Variants in PREX2 observed in about 807,000 individuals in gnomAD.
The protein encoded by PREX2 is phosphatidylinositol 3,4,5-trisphosphate-dependent Rac exchanger 2 protein.
A neutral mutation model predicts 203.2 loss-of-function variants in PREX2; 107 were observed. The ratio of observed to expected loss-of-function variants is 0.53; its 90% CI spans 0.45 to 0.62. PREX2 has a LOEUF of 0.62. Ranked by LOEUF, PREX2 falls within the 20% of genes least tolerant of loss-of-function variation. PREX2 has a pLI of 0.00. For synonymous variants in PREX2, 672 were observed against 663.6 expected, an observed-to-expected ratio of 1.01 and a Z score of -0.19; for missense variants, 1,777 against 1,955.9, an observed-to-expected ratio of 0.91 and a Z score of 1.72.
At chr8:68,031,141 G>C (rs1331909628) in intron 6 of PREX2, among the ~76,000 whole-genome samples, 1 of 152,102 alleles carries the variant, frequency 6.6e-6, no homozygotes, top group Non-Finnish European at 1.5e-5. Flanking sequence ...TATTCAAGAT[G>C]AAAATGTTAT....
intron 1 of PREX2, among the ~76,000 whole-genome samples, chr8:67,992,791 A>G (rs1806647357): frequency 6.6e-6 from 1 of 152,214 alleles, no homozygotes; most frequent in South Asian, 2.1e-4. Context: ...TCATCTGAAC[A>G]TAATGGGAAC....
intron 31 of PREX2, among the ~76,000 whole-genome samples, chr8:68,130,672 TG>T (rs1810989937): frequency 6.6e-6 from 1 of 152,166 alleles, no homozygotes; most frequent in Non-Finnish European, 1.5e-5. Flanking sequence ...TGGCTTAGAA[TG>T]GTTGGTTGAA....
chr8:68,122,456 T>A (rs572981944), intron 30 of PREX2, among the ~76,000 whole-genome samples: 1 of 152,200 alleles, frequency 6.6e-6, no homozygotes, highest in Non-Finnish European at 1.5e-5. Context: ...AAATGTTAAA[T>A]GCATTTTTGA....
chr8:68,092,228 G>A lies in PREX2; in HGVS notation c.2251-1377G>A, dbSNP rs140927533. Among the ~76,000 whole-genome samples the A allele has an allele frequency of 6.4e-4, 98 of 152,194 alleles. 2 individuals are homozygous for A. In the East Asian group the frequency reaches 0.013, roughly 20 times the overall value. On this transcript the variant is annotated intron_variant, in intron 20 of 39. Transcript: ENST00000288368. ...AGATTGTACTTGCTAGTATCCCTTT[G>A]GACAAACCAAATCACGTGGCCAAGC...
chr8:68,013,552 A>G (rs958956679), intron 1 of PREX2, among the ~76,000 whole-genome samples: 1 of 152,210 alleles, frequency 6.6e-6, no homozygotes, highest in Non-Finnish European at 1.5e-5. Flanking sequence ...TGTTCATGCA[A>G]ACCCAAATGA....
chr8:68,114,975 A>T (rs1585805460), intron 25 of PREX2, among the ~76,000 whole-genome samples: 1 of 144,502 alleles, frequency 6.9e-6, no homozygotes, highest in Non-Finnish European at 1.5e-5. Context: ...CACTTTAAAG[A>T]TTACTGAGTA....
intron 33 of PREX2, among the ~76,000 whole-genome samples, chr8:68,141,727 C>T (rs995236228): frequency 6.6e-6 from 1 of 152,082 alleles, no homozygotes; most frequent in African/African-American, 2.4e-5. Context: ...TTGAAACTCA[C>T]GGGCCCATTC....
At chr8:68,046,588 A>G (rs1251594620) in intron 8 of PREX2, among the ~76,000 whole-genome samples, 1 of 152,124 alleles carries the variant, frequency 6.6e-6, no homozygotes, top group Non-Finnish European at 1.5e-5. Flanking sequence ...TAGAAGAAAG[A>G]CACAAAATTG....
intron 29 of PREX2, 82 bp downstream of exon 29, chr8:68,120,368 C>T (rs1356577454): frequency 8.0e-6 from 7 of 874,156 alleles, no homozygotes; most frequent in Non-Finnish European, 1.3e-5. Context: ...AAGCAGATTG[C>T]ATAAGAGGAA....
At chr8:68,002,211 G>T (rs983620856) in intron 1 of PREX2, among the ~76,000 whole-genome samples, 3 of 146,898 alleles carry the variant, frequency 2.0e-5, no homozygotes, top group African/African-American at 7.6e-5. Flanking sequence ...GCAGTGGCAT[G>T]ATCTTGGTTC....
In PREX2 at chr8:68,097,058, A is replaced by C. The variant is rs747698460; in HGVS notation, c.2410A>C (p.Lys804Gln). 6.2e-7 allele frequency: 1 copy of C among 1,613,924 alleles called. No individual in the cohort carries two copies. The highest frequency in any genetic ancestry group is 2.2e-5 in the East Asian group (1 of 44,852). Residue 804 changes from lysine to glutamine, a missense_variant, in exon 22 of 40, where the codon AAG becomes CAG. Lys to Gln is a moderately conservative substitution (Grantham distance 53). Coordinates refer to ENST00000288368, the MANE Select transcript of PREX2 (RefSeq NM_024870.4). ...CAACACTATGGCCATCATTGATGGGAAGAAGGAGCATGTGAGTCTGACAGT... is the reference window on the plus strand; with the variant it reads ...CAACACTATGGCCATCATTGATGGGCAGAAGGAGCATGTGAGTCTGACAGT... ...KFNTMAIIDGKKEHVSLTVDN... is the reference protein window; with the variant it reads ...KFNTMAIIDGQKEHVSLTVDN...
chr8:68,080,498 T>G lies in PREX2; in HGVS notation c.1698T>G (p.Asp566Glu). 6.2e-7 allele frequency: 1 copy of G among 1,612,760 alleles called. No individual in the cohort carries two copies. Among genetic ancestry groups the G allele is most frequent in the Non-Finnish European group, 8.5e-7 (1 of 1,179,274 alleles). ...CCCTACTTTTCCGTTTTTTTTCGGA[T>G]GAGGAAATGGAGGGATCAAATATGA... ...DEPLLFRFFS[D>E]EEMEGSNMKH... The change falls in exon 16 of 40, where the codon GAT (aspartate) becomes GAG (glutamate). Residue 566 changes from aspartate to glutamate, a missense_variant. Coordinates refer to ENST00000288368, the MANE Select transcript of PREX2 (RefSeq NM_024870.4).
At chr8:68,094,095 T>C (rs926511599) in intron 21 of PREX2, among the ~76,000 whole-genome samples, 3 of 152,226 alleles carry the variant, frequency 2.0e-5, no homozygotes, top group African/African-American at 7.2e-5. Flanking sequence ...ATGTGTTTCC[T>C]TGTTTGGAGT....
At chr8:68,086,603 G>A (rs181972557) in intron 18 of PREX2, among the ~76,000 whole-genome samples, 48 of 152,104 alleles carry the variant, frequency 3.2e-4, no homozygotes, top group Admixed American at 2.1e-3. Flanking sequence ...ATGTTCCCTC[G>A]CATCTTGCAC....
intron 13 of PREX2, among the ~76,000 whole-genome samples, chr8:68,070,477 G>A (rs1193879808): frequency 1.3e-5 from 2 of 151,850 alleles, no homozygotes; most frequent in East Asian, 1.9e-4. Flanking sequence ...CTTTAGAAAG[G>A]CAATAGAAAA....
chr8:68,085,027 TC>T (rs1362810336), intron 18 of PREX2, among the ~76,000 whole-genome samples: 2 of 152,186 alleles, frequency 1.3e-5, no homozygotes, highest in Admixed American at 1.3e-4. Flanking sequence ...TTCTGACTCT[TC>T]TTAGTGTTCG....
intron 37 of PREX2, among the ~76,000 whole-genome samples, chr8:68,194,127 G>A (rs1330452451): frequency 6.6e-6 from 1 of 152,082 alleles, no homozygotes. Context: ...CTTCTGATAA[G>A]CTTATGTTCA....
intron 37 of PREX2, among the ~76,000 whole-genome samples, chr8:68,208,640 G>A (rs1287041595): frequency 2.0e-5 from 3 of 152,112 alleles, no homozygotes; most frequent in Admixed American, 1.3e-4. Flanking sequence ...TTTGGAAACT[G>A]AGCAGAATCA....
At chr8:68,227,881 C>G (rs979893554) in intron 39 of PREX2, among the ~76,000 whole-genome samples, 2 of 152,178 alleles carry the variant, frequency 1.3e-5, no homozygotes, top group African/African-American at 4.8e-5. Flanking sequence ...TTCTTGGACA[C>G]CCTTGGCTCC....
Sources: allele counts gnomAD v4.1 joint callset (sites outside exome capture counted in the v4.1 genomes callset), GRCh38; gene constraint gnomAD v4.1.1; transcripts MANE v1.5; gene names NCBI Gene and HGNC (gene_info 2026-07-23, HGNC 2026-07-21).